The following BMP2K variants were observed in gnomAD, a reference collection of about 807,000 sequenced individuals.
BMP2K encodes BMP-2-inducible protein kinase.
A neutral mutation model predicts 116.0 loss-of-function variants in BMP2K; 74 were observed. The observed-to-expected ratio is 0.64, with a 90% CI of 0.53 to 0.77. The LOEUF (loss-of-function observed/expected upper bound fraction) is 0.77. Ranked by LOEUF, BMP2K falls within the 30% of genes least tolerant of loss-of-function variation. BMP2K has a pLI of 0.00. For missense variants in BMP2K, 1,365 were observed against 1,403.6 expected, an observed-to-expected ratio of 0.97 and a Z score of 0.44; for synonymous variants, 486 against 502.5, an observed-to-expected ratio of 0.97 and a Z score of 0.44.
intron 1 of BMP2K, among the ~76,000 whole-genome samples, chr4:78,810,827 AT>A (rs1553914254): frequency 9.5e-6 from 1 of 105,618 alleles, no homozygotes; most frequent in South Asian, 2.7e-4. Context: ...GAATAAAAAC[AT>A]TGTTACAAGG....
intron 1 of BMP2K, among the ~76,000 whole-genome samples, chr4:78,780,273 C>G (rs1560496001): frequency 6.6e-6 from 1 of 152,076 alleles, no homozygotes; most frequent in Non-Finnish European, 1.5e-5. Flanking sequence ...ATAATGTAAT[C>G]ACGAGGTTAT....
At chr4:78,890,855 C>T (rs1733395274) in intron 15 of BMP2K, among the ~76,000 whole-genome samples, 1 of 152,110 alleles carries the variant, frequency 6.6e-6, no homozygotes, top group Non-Finnish European at 1.5e-5. Flanking sequence ...TAAAGCAACT[C>T]CTCTAGTTGT....
chr4:78,880,083 G>A (rs1157644767), intron 14 of BMP2K: 1 of 151,826 alleles, frequency 6.6e-6, no homozygotes, highest in Non-Finnish European at 1.5e-5. Flanking sequence ...TTTGTTTTTT[G>A]TTTTTTGAGA....
At chr4:78,808,267 T>G (rs1466783713) in intron 1 of BMP2K, among the ~76,000 whole-genome samples, 1 of 144,614 alleles carries the variant, frequency 6.9e-6, no homozygotes, top group Non-Finnish European at 1.5e-5. Context: ...CTTGCTTCCT[T>G]TTTTTTTTTT....
At chr4:78,804,027 G>A (rs1283328574) in intron 1 of BMP2K, among the ~76,000 whole-genome samples, 2 of 152,100 alleles carry the variant, frequency 1.3e-5, no homozygotes. Context: ...TGATTTTAGT[G>A]TATTTACTTT....
Position 78,912,364 on chromosome 4 carries a change from CTG to C in BMP2K, c.*333_*334del, listed in dbSNP as rs994968926. ...TAGCCACTGAGAAGGGACAGTGAAA[CTG>C]TTATTTTTGATATCAGAATGTCATT... On this transcript the variant is annotated 3_prime_UTR_variant, in exon 16 of 16. Transcript: ENST00000502613. 7.7e-5 allele frequency: 17 copies of C among 221,144 alleles called. No homozygotes were observed. Among genetic ancestry groups the C allele is most frequent in the East Asian group, 5.9e-4 (6 of 10,104 alleles). The allele number at this position is 221,144 out of a possible 1,614,324, so 13.7% of individuals were successfully genotyped here. A position where few individuals can be genotyped will look rare whatever the true frequency, so the allele number is the denominator to read the frequency against.
chr4:78,852,094 G>T (rs1731280154), intron 7 of BMP2K, among the ~76,000 whole-genome samples: 1 of 151,978 alleles, frequency 6.6e-6, no homozygotes, highest in South Asian at 2.1e-4. Context: ...TCTGACTTGT[G>T]ATTTAATTTG....
chr4:78,856,667 A>G (rs780357265), intron 7 of BMP2K, among the ~76,000 whole-genome samples: 11 of 152,116 alleles, frequency 7.2e-5, no homozygotes, highest in Non-Finnish European at 1.3e-4. Context: ...ACTGGAGCTC[A>G]TCAGATAAAA....
intron 15 of BMP2K, among the ~76,000 whole-genome samples, chr4:78,897,865 C>T (rs990068595): frequency 2.0e-5 from 3 of 152,182 alleles, no homozygotes; most frequent in Non-Finnish European, 4.4e-5. Context: ...GCCCTTGCCT[C>T]TCAAGGACTT....
chr4:78,829,487 T>C (rs116454319), intron 2 of BMP2K, among the ~76,000 whole-genome samples: 1,695 of 151,990 alleles, frequency 0.011, 26 homozygotes, highest in African/African-American at 0.039. Flanking sequence ...TCTGTGAGGA[T>C]TGGAATCAGC....
chr4:78,802,728 G>T (rs191537409), intron 1 of BMP2K, among the ~76,000 whole-genome samples: 1 of 151,840 alleles, frequency 6.6e-6, no homozygotes, highest in Admixed American at 6.6e-5. Context: ...TCAACTTTTT[G>T]TAGTTTTTAT....
At chr4:78,879,392 G>T in intron 14 of BMP2K, 1 of 985,902 alleles carries the variant, frequency 1.0e-6, no homozygotes, top group Non-Finnish European at 1.2e-6. Flanking sequence ...CTGCTTTGTT[G>T]TCCTGATATG....
intron 13 of BMP2K, among the ~76,000 whole-genome samples, chr4:78,873,553 G>T (rs1732474168): frequency 2.0e-5 from 3 of 152,118 alleles, no homozygotes; most frequent in Non-Finnish European, 4.4e-5. Flanking sequence ...ATAAGCTTTG[G>T]CTCAGAGTTG....
At chr4:78,809,826 G>T (rs1368453050) in intron 1 of BMP2K, among the ~76,000 whole-genome samples, 1 of 151,900 alleles carries the variant, frequency 6.6e-6, no homozygotes, top group African/African-American at 2.4e-5. Context: ...CTGATTTAAA[G>T]TCTTTGTCTA....
intron 2 of BMP2K, among the ~76,000 whole-genome samples, chr4:78,830,971 A>G (rs1730178883): frequency 6.6e-6 from 1 of 152,196 alleles, no homozygotes; most frequent in Non-Finnish European, 1.5e-5. Context: ...CTTTGCATTC[A>G]AAATTTGGCT....
At chr4:78,812,906 T>TGG (rs1729157370) in intron 1 of BMP2K, among the ~76,000 whole-genome samples, 1 of 151,944 alleles carries the variant, frequency 6.6e-6, no homozygotes, top group Non-Finnish European at 1.5e-5. Flanking sequence ...TTAGCTGGCA[T>TGG]GGTGGTGTGT....
rs993076396 is a variant in BMP2K at position 78,912,809 on chromosome 4, A to G, written c.*776A>G. On this transcript the variant is annotated 3_prime_UTR_variant, in exon 16 of 16. Coordinates refer to ENST00000502613, the MANE Select transcript of BMP2K (RefSeq NM_198892.2). ...TCGTCGCACAGAAGCCTAGAACAAAAATATGAAGAGAAATATCTGACATTT... is the reference window on the plus strand; with the variant it reads ...TCGTCGCACAGAAGCCTAGAACAAAGATATGAAGAGAAATATCTGACATTT... 1 of 152,192 alleles carries G rather than the reference A, an allele frequency of 6.6e-6. No individual in the cohort carries two copies. Among genetic ancestry groups the G allele is most frequent in the Admixed American group, 6.5e-5 (1 of 15,282 alleles). 9.4% of individuals were successfully genotyped at this position (152,192 alleles called of 1,614,324 possible).
At chr4:78,799,504 A>G (rs577959113) in intron 1 of BMP2K, among the ~76,000 whole-genome samples, 1 of 152,338 alleles carries the variant, frequency 6.6e-6, no homozygotes, top group South Asian at 2.1e-4. Context: ...TTAGAAAGTG[A>G]AAGTGTATAA....
At chr4:78,776,784 T>C in intron 1 of BMP2K, 63 bp downstream of exon 1, 1 of 1,200,784 alleles carries the variant, frequency 8.3e-7, no homozygotes, top group African/African-American at 1.6e-5. Context: ...GGCGGCGGCT[T>C]CTCCGGGTCC....
Sources: gnomAD v4.1 joint callset for allele counts (sites outside exome capture counted in the v4.1 genomes callset) on GRCh38, gnomAD v4.1.1 for gene constraint, MANE v1.5 for transcripts, NCBI Gene and HGNC (gene_info 2026-07-23, HGNC 2026-07-21) for gene names.